The following UTRN variants were observed in gnomAD, a reference collection of about 807,000 sequenced individuals.
UTRN encodes the protein utrophin, also known as dystrophin-related protein 1.
UTRN carries 283 observed loss-of-function variants against 463.9 expected under a neutral mutation model. The ratio of observed to expected loss-of-function variants is 0.61; its 90% confidence interval spans 0.55 to 0.67. The LOEUF is 0.67. Ranked by LOEUF, UTRN falls within the 30% of genes least tolerant of loss-of-function variation. The probability of loss-of-function intolerance (pLI) is 0.00; values close to 1 mark genes in which losing one functional copy is unlikely to be tolerated. For synonymous variants in UTRN, 1,442 were observed against 1,431.5 expected (o/e 1.01, Z -0.17); for missense variants, 3,922 against 4,084.3 (o/e 0.96, Z 1.08).
intron 51 of UTRN, chr6:144,660,185 A>G: frequency 4.2e-6 from 2 of 470,674 alleles, no homozygotes; most frequent in South Asian, 1.6e-5. Context: ...GTCTGAAGGA[A>G]GTTTGCCGGA....
Position 144,827,368 on chromosome 6 carries a change from T to A in UTRN, c.9515T>A (p.Met3172Lys). ...NLETPITLISMWPEHYDPSQS... is the reference protein window; with the variant it reads ...NLETPITLISKWPEHYDPSQS... ...TGCAGTCCTATCACACTCATCAGTA[T>A]GTGGCCAGAGCACTATGAGTGAGTA... Residue 3172 changes from methionine (M) to lysine (K), a missense_variant, in exon 67 of 75, where the codon ATG becomes AAG. This residue lies in a region of UTRN where 1,309 missense variants were observed against 1,452.6 expected (regional missense o/e 0.90). Transcript: ENST00000367545. 6.2e-7 allele frequency: 1 copy of A among 1,613,536 alleles called. No homozygotes were observed. Among genetic ancestry groups the A allele is most frequent in the Non-Finnish European group, 8.5e-7 (1 of 1,179,624 alleles).
chr6:144,660,250 G>C (rs1379856113), intron 51 of UTRN: 1 of 471,184 alleles, frequency 2.1e-6, no homozygotes, highest in Non-Finnish European at 4.4e-6. Flanking sequence ...TTCAACTTAC[G>C]GGAACTGCTG....
intron 11 of UTRN, among the ~76,000 whole-genome samples, chr6:144,438,280 C>G (rs1236655596): frequency 6.6e-6 from 1 of 152,066 alleles, no homozygotes; most frequent in East Asian, 1.9e-4. Context: ...AAGGAAAAGA[C>G]ATTTCATAGG....
intron 50 of UTRN, among the ~76,000 whole-genome samples, chr6:144,572,623 C>G (rs1329112939): frequency 6.6e-6 from 1 of 152,068 alleles, no homozygotes; most frequent in Non-Finnish European, 1.5e-5. Flanking sequence ...GTTCAACTCC[C>G]ACTTATAAGT....
At chr6:144,438,104 A>T (rs1786766232) in intron 11 of UTRN, among the ~76,000 whole-genome samples, 1 of 152,184 alleles carries the variant, frequency 6.6e-6, no homozygotes, top group South Asian at 2.1e-4. Flanking sequence ...CGTCTCTACT[A>T]AAAATACAAA....
At position 144,577,280 on chromosome 6, in the gene UTRN, C is replaced by A. The variant is rs1801529323; in HGVS notation, c.7471C>A (p.Gln2491Lys). The change falls in exon 51 of 75, where the codon CAG becomes AAG. Residue 2491 changes from glutamine to lysine, a missense_variant. Gln to Lys is a moderately conservative substitution (Grantham distance 53, BLOSUM62 1). This residue lies in a region of UTRN where 1,309 missense variants were observed against 1,452.6 expected (regional missense o/e 0.90). Coordinates refer to ENST00000367545, the MANE Select transcript of UTRN (RefSeq NM_007124.3). ...DSILARELKQQMQDIQAEIDA... is the reference protein window; with the variant it reads ...DSILARELKQKMQDIQAEIDA... ...TATCTTGGCCAGGGAACTCAAACAG[C>A]AGATGCAGGTAAGTGCATGGGAAAC... is the stretch of plus-strand genomic sequence containing the variant. 1.2e-6 allele frequency: 2 copies of A among 1,613,638 alleles called. No homozygotes were observed. Among genetic ancestry groups the A allele is most frequent in the Non-Finnish European group, 1.7e-6 (2 of 1,179,780 alleles).
At chr6:144,417,904 C>T (rs750709938) in intron 3 of UTRN, among the ~76,000 whole-genome samples, 4 of 152,142 alleles carry the variant, frequency 2.6e-5, no homozygotes, top group African/African-American at 9.7e-5. Flanking sequence ...ACCATGTTCT[C>T]ATGTTCAGGG....
At chr6:144,420,008 G>A (rs897682507) in intron 3 of UTRN, among the ~76,000 whole-genome samples, 4 of 151,256 alleles carry the variant, frequency 2.6e-5, no homozygotes, top group South Asian at 4.2e-4. Context: ...AATAAAAACA[G>A]ATAAGGAATC....
intron 2 of UTRN, among the ~76,000 whole-genome samples, chr6:144,394,304 C>T (rs1012500523): frequency 6.6e-5 from 10 of 152,098 alleles, no homozygotes; most frequent in African/African-American, 2.4e-4. Context: ...CATAGTTCCA[C>T]GTGGCAAAGG....
At chr6:144,376,608 T>C (rs1479929119) in intron 2 of UTRN, among the ~76,000 whole-genome samples, 1 of 152,046 alleles carries the variant, frequency 6.6e-6, no homozygotes, top group Non-Finnish European at 1.5e-5. Context: ...CCCAGTGTCA[T>C]TCTGATTTGA....
intron 33 of UTRN, among the ~76,000 whole-genome samples, chr6:144,494,806 A>C: frequency 6.6e-6 from 1 of 152,142 alleles, no homozygotes; most frequent in African/African-American, 2.4e-5. Flanking sequence ...CAGGGTGCTG[A>C]TTGGTGTGTT....
chr6:144,766,220 G>A (rs983955835), intron 58 of UTRN, among the ~76,000 whole-genome samples: 1 of 152,150 alleles, frequency 6.6e-6, no homozygotes, highest in Admixed American at 6.5e-5. Flanking sequence ...CTAGTCTTGG[G>A]TGAAACAAGG....
intron 2 of UTRN, among the ~76,000 whole-genome samples, chr6:144,337,443 T>C (rs1025708005): frequency 6.6e-6 from 1 of 152,200 alleles, no homozygotes; most frequent in East Asian, 1.9e-4. Flanking sequence ...AATCCTGAAA[T>C]ACAACTTCTA....
chr6:144,805,345 A>G (rs1017921914), intron 65 of UTRN, among the ~76,000 whole-genome samples: 1 of 152,200 alleles, frequency 6.6e-6, no homozygotes, highest in African/African-American at 2.4e-5. Flanking sequence ...CCTTTAAGGA[A>G]ATGAATGGAT....
chr6:144,480,067 C>G, intron 26 of UTRN, 85 bp downstream of exon 26: 2 of 1,466,572 alleles, frequency 1.4e-6, no homozygotes. Context: ...GTCTATCTGT[C>G]AAACACTATG....
chr6:144,677,180 T>C (rs1234622653), intron 51 of UTRN, among the ~76,000 whole-genome samples: 1 of 152,180 alleles, frequency 6.6e-6, no homozygotes, highest in Non-Finnish European at 1.5e-5. Context: ...ACATGTGACA[T>C]GGTGGTTTGC....
At chr6:144,732,235 T>TAC (rs1263541050) in intron 54 of UTRN, among the ~76,000 whole-genome samples, 2 of 33,382 alleles carry the variant, frequency 6.0e-5, no homozygotes, top group South Asian at 9.7e-4. Flanking sequence ...TATATATATA[T>TAC]ATACATATAT....
At chr6:144,432,451 T>TG (rs1169331928) in intron 9 of UTRN, among the ~76,000 whole-genome samples, 1 of 152,232 alleles carries the variant, frequency 6.6e-6, no homozygotes, top group Non-Finnish European at 1.5e-5. Flanking sequence ...TTAAGAGCAT[T>TG]GGGAAAGCCA....
chr6:144,619,311 A>G (rs543238250), intron 51 of UTRN, among the ~76,000 whole-genome samples: 1 of 152,302 alleles, frequency 6.6e-6, no homozygotes, highest in African/African-American at 2.4e-5. Context: ...GCTGTTTTTT[A>G]TGCCATCAGG....
Sources: allele counts gnomAD v4.1 joint callset (sites outside exome capture counted in the v4.1 genomes callset), GRCh38; gene constraint gnomAD v4.1.1; regional missense constraint gnomAD v4.1.1; transcripts MANE v1.5; gene names NCBI Gene and HGNC (gene_info 2026-07-23, HGNC 2026-07-21).